Variants in AHCYL2 observed in about 807,000 individuals in gnomAD.
The protein encoded by AHCYL2 is S-adenosylhomocysteine hydrolase-like protein 2.
AHCYL2 carries 28 observed loss-of-function variants against 81.4 expected under a neutral mutation model. That is an observed-to-expected ratio of 0.34 (90% CI 0.25 to 0.47). AHCYL2 has a LOEUF of 0.47. Ranked by LOEUF, AHCYL2 falls within the 20% of genes least tolerant of loss-of-function variation. AHCYL2 has a pLI of 1.00. For missense variants in AHCYL2, 551 were observed against 785.1 expected, an observed-to-expected ratio of 0.70 and a Z score of 3.56; for synonymous variants, 272 against 290.2, an observed-to-expected ratio of 0.94 and a Z score of 0.64.
intron 1 of AHCYL2, among the ~76,000 whole-genome samples, chr7:129,342,543 G>A (rs564074922): frequency 2.0e-5 from 3 of 152,248 alleles, no homozygotes; most frequent in South Asian, 2.1e-4. Context: ...TAGAGAATGC[G>A]GCTATGTAGC....
intron 6 of AHCYL2, among the ~76,000 whole-genome samples, chr7:129,400,931 G>A (rs1265914961): frequency 6.6e-6 from 1 of 152,140 alleles, no homozygotes; most frequent in Admixed American, 6.6e-5. Flanking sequence ...AAGACGAGAT[G>A]AAGTTTTAGG....
At chr7:129,379,530 C>T in intron 1 of AHCYL2, 108 bp from the exon 2 acceptor site, 2 of 728,582 alleles carry the variant, frequency 2.7e-6, no homozygotes, top group Middle Eastern at 2.8e-4. Flanking sequence ...TAGGTTGATA[C>T]AATCAGATCA....
chr7:129,395,147 T>C (rs758915751), intron 4 of AHCYL2, among the ~76,000 whole-genome samples: 1 of 152,270 alleles, frequency 6.6e-6, no homozygotes, highest in Non-Finnish European at 1.5e-5. Flanking sequence ...TGGACTGCTA[T>C]AACCTTGTGA....
Position 129,429,799 on chromosome 7 carries a change from T to C in AHCYL2, c.*2754T>C, listed in dbSNP as rs534419966. ...TTGCCCATATGAGCACGGCTCCCCATGGCCACATACTCCTGCAAAGCTTTT... is the reference window on the plus strand; with the variant it reads ...TTGCCCATATGAGCACGGCTCCCCACGGCCACATACTCCTGCAAAGCTTTT... On this transcript the variant is annotated 3_prime_UTR_variant, in exon 17 of 17. Coordinates refer to ENST00000325006, the MANE Select transcript of AHCYL2 (RefSeq NM_015328.4). 2.6e-5 allele frequency: 4 copies of C among 152,758 alleles called. No homozygotes were observed. The highest frequency in any genetic ancestry group is 4.4e-5 in the Non-Finnish European group (3 of 68,034). 9.5% of individuals were successfully genotyped at this position (152,758 alleles called of 1,614,324 possible). A position where few individuals can be genotyped will look rare whatever the true frequency, so the allele number is the denominator to read the frequency against.
chr7:129,395,684 G>A (rs1301315963), intron 4 of AHCYL2, among the ~76,000 whole-genome samples: 2 of 152,156 alleles, frequency 1.3e-5, no homozygotes, highest in African/African-American at 4.8e-5. Flanking sequence ...AGAGAAGAGT[G>A]TAGGGAAGTG....
chr7:129,401,523 A>G (rs573665218), intron 6 of AHCYL2, among the ~76,000 whole-genome samples: 6 of 152,314 alleles, frequency 3.9e-5, no homozygotes. Flanking sequence ...TGCATGGCAG[A>G]GAAGTAGCTT....
intron 1 of AHCYL2, among the ~76,000 whole-genome samples, chr7:129,246,384 C>T (rs1795058149): frequency 6.6e-6 from 1 of 152,234 alleles, no homozygotes; most frequent in Admixed American, 6.5e-5. Context: ...AAAATCACCT[C>T]CACAATCCAG....
chr7:129,357,498 A>G (rs1651452541), intron 1 of AHCYL2, among the ~76,000 whole-genome samples: 1 of 152,240 alleles, frequency 6.6e-6, no homozygotes, highest in African/African-American at 2.4e-5. Context: ...TGCAAGATTT[A>G]TAACTGCAAA....
intron 2 of AHCYL2, among the ~76,000 whole-genome samples, chr7:129,380,745 TAGCACAAGATTTGAGACAGGGTCTCACTC>T: frequency 6.6e-6 from 1 of 152,082 alleles, no homozygotes; most frequent in South Asian, 2.1e-4. Context: ...TTTTGTGGGG[TAGCACAAGATTTGAGACAGGGTCTCACTC>T]TGTCACCCAG....
chr7:129,425,403 T>C (rs1359808336), intron 15 of AHCYL2, among the ~76,000 whole-genome samples: 2 of 152,112 alleles, frequency 1.3e-5, no homozygotes, highest in Non-Finnish European at 2.9e-5. Context: ...TCTTAAAGTA[T>C]CTTTATGTGG....
intron 1 of AHCYL2, among the ~76,000 whole-genome samples, chr7:129,372,390 G>C (rs566703677): frequency 1.1e-4 from 17 of 152,266 alleles, no homozygotes; most frequent in Admixed American, 2.0e-4. Flanking sequence ...AGGATAAATA[G>C]ATCTTCTGTC....
At chr7:129,394,853 C>T (rs1795649559) in intron 4 of AHCYL2, among the ~76,000 whole-genome samples, 1 of 152,106 alleles carries the variant, frequency 6.6e-6, no homozygotes, top group Non-Finnish European at 1.5e-5. Context: ...ATTAGTCCAG[C>T]CTGGGCAATA....
At chr7:129,424,764 G>A (rs1457843618) in intron 13 of AHCYL2, 110 bp from the exon 14 acceptor site, 2 of 1,120,138 alleles carry the variant, frequency 1.8e-6, no homozygotes, top group African/African-American at 3.1e-5. Context: ...TTTTCCAGCA[G>A]TGTTAGTCAG....
intron 1 of AHCYL2, among the ~76,000 whole-genome samples, chr7:129,361,781 A>G (rs1045857473): frequency 6.8e-6 from 1 of 147,566 alleles, no homozygotes; most frequent in African/African-American, 2.5e-5. Context: ...GCACACCACT[A>G]TGTCTGGCTA....
At chr7:129,228,134 G>A (rs890706761) in intron 1 of AHCYL2, among the ~76,000 whole-genome samples, 8 of 152,184 alleles carry the variant, frequency 5.3e-5, no homozygotes, top group African/African-American at 1.9e-4. Flanking sequence ...GCATATGAAG[G>A]AACTGAGAAT....
chr7:129,361,353 T>C (rs1793924296), intron 1 of AHCYL2, among the ~76,000 whole-genome samples: 1 of 152,192 alleles, frequency 6.6e-6, no homozygotes. Flanking sequence ...CCAATACACA[T>C]AATTGGTGCC....
At chr7:129,330,247 C>T (rs1364591896) in intron 1 of AHCYL2, among the ~76,000 whole-genome samples, 2 of 152,220 alleles carry the variant, frequency 1.3e-5, no homozygotes, top group Non-Finnish European at 2.9e-5. Flanking sequence ...ATCCTCTCAC[C>T]TTGGCCTCCC....
intron 1 of AHCYL2, among the ~76,000 whole-genome samples, chr7:129,232,579 C>T (rs918834538): frequency 6.6e-6 from 1 of 152,208 alleles, no homozygotes; most frequent in Admixed American, 6.5e-5. Context: ...CCATTATCTT[C>T]CCAATACTAA....
intron 6 of AHCYL2, among the ~76,000 whole-genome samples, chr7:129,400,720 C>T (rs1322158182): frequency 6.6e-6 from 1 of 152,106 alleles, no homozygotes; most frequent in Non-Finnish European, 1.5e-5. Context: ...ACTTCCCACC[C>T]CTTACAACAA....
Sources: gnomAD v4.1 joint callset for allele counts (sites outside exome capture counted in the v4.1 genomes callset) on GRCh38, gnomAD v4.1.1 for gene constraint, MANE v1.5 for transcripts, NCBI Gene and HGNC (gene_info 2026-07-23, HGNC 2026-07-21) for gene names.